CCDC39: variants seen among roughly 807,000 people sequenced by gnomAD.
CCDC39 encodes the protein coiled-coil domain 39 molecular ruler complex subunit.
CCDC39 carries 113 observed loss-of-function variants against 121.0 expected under a neutral mutation model. That is an observed-to-expected ratio of 0.93 (90% CI 0.80 to 1.09). CCDC39 has a LOEUF of 1.09. Ranked by LOEUF, CCDC39 falls within the 50% of genes least tolerant of loss-of-function variation. CCDC39 has a pLI of 0.00. For missense variants in CCDC39, 1,063 were observed against 1,074.7 expected (o/e 0.99, Z 0.15); for synonymous variants, 349 against 352.2 (o/e 0.99, Z 0.10).
intron 14 of CCDC39, among the ~76,000 whole-genome samples, chr3:180,621,984 T>C (rs944540959): frequency 2.0e-5 from 3 of 152,122 alleles, no homozygotes; most frequent in Non-Finnish European, 4.4e-5. Flanking sequence ...TTGATAGGGG[T>C]TGCATTGAAT....
At chr3:180,637,616 G>C (rs1245113226) in intron 13 of CCDC39, among the ~76,000 whole-genome samples, 1 of 152,066 alleles carries the variant, frequency 6.6e-6, no homozygotes, top group Admixed American at 6.6e-5. Flanking sequence ...CTACCATAAA[G>C]ACACATGTGC....
At chr3:180,674,245 G>A (rs1277443529) in intron 1 of CCDC39, among the ~76,000 whole-genome samples, 1 of 152,148 alleles carries the variant, frequency 6.6e-6, no homozygotes, top group Non-Finnish European at 1.5e-5. Context: ...AAGCAATTGT[G>A]AATGGGAGTT....
intron 1 of CCDC39, among the ~76,000 whole-genome samples, chr3:180,673,601 G>A (rs2108435573): frequency 6.6e-6 from 1 of 152,270 alleles, no homozygotes; most frequent in African/African-American, 2.4e-5. Flanking sequence ...TGTGTGACTT[G>A]CTTTATTGCA....
Position 180,614,793 on chromosome 3 carries a change from C to A in CCDC39, c.*128G>T. 2.8e-6 allele frequency: 2 copies of A among 717,588 alleles called. No homozygotes were observed. Among genetic ancestry groups the A allele is most frequent in the South Asian group, 5.0e-5 (2 of 39,992 alleles). The allele number at this position is 717,588 out of a possible 1,614,324, so 44.5% of individuals were successfully genotyped here. ...TGAGAACGTTCCTTTTTTTTTAAAA[C>A]TATCAGTTTTTACACTTACCACTAA... On this transcript the variant is annotated 3_prime_UTR_variant, in exon 20 of 20. Coordinates refer to ENST00000476379, the MANE Select transcript of CCDC39 (RefSeq NM_181426.2).
At position 180,614,983 on chromosome 3, in the gene CCDC39, A is replaced by C; in HGVS notation, c.2764T>G (p.Ser922Ala). Residue 922 changes from serine (S) to alanine (A), a missense_variant, in exon 20 of 20, where the codon TCT (serine) becomes GCT (alanine). Physicochemically the swap from Ser to Ala is moderately conservative, Grantham distance 99 (BLOSUM62 1). Transcript: ENST00000476379. The part of the protein sequence containing the change: ...PASSSLVGSP[S>A]RPSSASSSSS... ...CTACTACTAGCACTAGATGGCCTAG[A>C]AGGGCTGCCTACTAGTGAAGAGGAG... The C allele has an allele frequency of 6.4e-7, 1 of 1,565,978 alleles. No individual in the cohort carries two copies. Among genetic ancestry groups the C allele is most frequent in the Non-Finnish European group, 8.7e-7 (1 of 1,153,308 alleles).
intron 1 of CCDC39, among the ~76,000 whole-genome samples, chr3:180,664,457 A>T (rs1463553174): frequency 6.6e-6 from 1 of 152,122 alleles, no homozygotes; most frequent in East Asian, 1.9e-4. Flanking sequence ...AAAACATAGC[A>T]TTTTGTTTCT....
chr3:180,660,416 G>A (rs1711712131), intron 4 of CCDC39, among the ~76,000 whole-genome samples, 154 bp downstream of exon 4: 1 of 152,038 alleles, frequency 6.6e-6, no homozygotes, highest in South Asian at 2.1e-4. Flanking sequence ...TTTCTACAGA[G>A]AAGACATTTG....
intron 14 of CCDC39, among the ~76,000 whole-genome samples, chr3:180,623,417 C>T (rs1457368388): frequency 6.6e-6 from 1 of 151,880 alleles, no homozygotes; most frequent in Non-Finnish European, 1.5e-5. Flanking sequence ...TTTCCTTGAT[C>T]ATTTGTAAAT....
At chr3:180,676,479 A>C (rs1262653788) in intron 1 of CCDC39, among the ~76,000 whole-genome samples, 1 of 152,280 alleles carries the variant, frequency 6.6e-6, no homozygotes, top group Non-Finnish European at 1.5e-5. Flanking sequence ...CGATCATTAA[A>C]AAGTCAGGAA....
Position 180,669,909 on chromosome 3 carries a change from A to G in CCDC39, c.91-5923T>C, listed in dbSNP as rs1157646447. 2.0e-5 allele frequency among the ~76,000 whole-genome samples: 3 copies of G among 152,178 alleles called. No homozygotes were observed. The East Asian group carries it at 5.8e-4, about 29-fold the overall frequency. On this transcript the variant is annotated intron_variant, in intron 1 of 19. Transcript: ENST00000476379. ...GTTAATGAAAGAGATGGATGTAAAT[A>G]AAGTCTTTATAAAGGGGCACTGACT...
chr3:180,620,631 T>C (rs1322891708), intron 14 of CCDC39, among the ~76,000 whole-genome samples: 4 of 151,964 alleles, frequency 2.6e-5, no homozygotes, highest in African/African-American at 9.7e-5. Flanking sequence ...AGTATGCATA[T>C]ATATACATAT....
rs764888716 is a variant in CCDC39, at chr3:180,616,878, A to T, written c.2354T>A (p.Leu785Gln). The T allele has an allele frequency of 6.3e-7, 1 of 1,598,794 alleles. No homozygotes were observed. Among genetic ancestry groups the T allele is most frequent in the Non-Finnish European group, 8.6e-7 (1 of 1,167,394 alleles). The change falls in exon 17 of 20, where the codon CTA becomes CAA. Residue 785 changes from leucine to glutamine, a missense_variant. Coordinates refer to ENST00000476379, the MANE Select transcript of CCDC39 (RefSeq NM_181426.2). ...LSEKQAYSFQ[L>Q]SKETEEQKPK... Reference sequence around the variant, plus strand: ...CTTCTGCTCCTCCGTTTCTTTACTTAGTTGAAATGAATAAGCCTGCTTCTC... The same window carrying T: ...CTTCTGCTCCTCCGTTTCTTTACTTTGTTGAAATGAATAAGCCTGCTTCTC...
At chr3:180,632,264 T>C (rs1327180462) in intron 13 of CCDC39, among the ~76,000 whole-genome samples, 1 of 152,204 alleles carries the variant, frequency 6.6e-6, no homozygotes, top group African/African-American at 2.4e-5. Flanking sequence ...TTAAATCTGT[T>C]GGTTACTTTC....
At position 180,619,982 on chromosome 3, in the gene CCDC39, A is replaced by C. The variant is rs373905898; in HGVS notation, c.1999-12T>G. 7.0e-6 allele frequency: 11 copies of C among 1,579,206 alleles called. No individual in the cohort carries two copies. In the African/African-American group the frequency reaches 1.4e-4, roughly 19 times the overall value. ...TTTTCTTGAGCAGCCTATGAAGTAC[A>C]GAATAGAACTGGTTGAATAAAAGCA... On this transcript the variant is annotated splice_polypyrimidine_tract_variant and intron_variant, in intron 14 of 19. Coordinates refer to ENST00000476379, the MANE Select transcript of CCDC39 (RefSeq NM_181426.2).
Position 180,619,298 on chromosome 3 carries a change from G to T in CCDC39, c.2226C>A (p.Tyr742Ter), listed in dbSNP as rs772219642. The change falls in exon 16 of 20, where the codon TAC (tyrosine) becomes TAA (stop). Residue 742 changes from tyrosine (Y) to a stop codon, truncating the protein, a stop_gained. Coordinates refer to ENST00000476379, the MANE Select transcript of CCDC39 (RefSeq NM_181426.2). LOFTEE classifies it high-confidence loss of function. ...QKRAVDEKYR[Y>*]KQRQIRELQE... ...GAAGTTCTCTGATTTGTCTTTGTTT[G>T]TATCTGTATTTTTCATCAACAGCTC... 9.1e-6 allele frequency: 14 copies of T among 1,546,026 alleles called. No individual in the cohort carries two copies. Among genetic ancestry groups the T allele is most frequent in the Non-Finnish European group, 1.1e-5 (13 of 1,142,296 alleles).
At chr3:180,661,758 T>G in intron 3 of CCDC39, 103 bp downstream of exon 3, 1 of 995,916 alleles carries the variant, frequency 1.0e-6, no homozygotes, top group Non-Finnish European at 1.5e-6. Context: ...ACTAGGAAAC[T>G]AATGTATGCC....
At chr3:180,674,118 T>C (rs552743503) in intron 1 of CCDC39, among the ~76,000 whole-genome samples, 67 of 152,280 alleles carry the variant, frequency 4.4e-4, no homozygotes, top group African/African-American at 1.5e-3. Flanking sequence ...GAGCATGGAA[T>C]GTTCTTCCAT....
At chr3:180,625,694 T>C (rs1268188485) in intron 14 of CCDC39, among the ~76,000 whole-genome samples, 30 of 152,154 alleles carry the variant, frequency 2.0e-4, no homozygotes, top group Admixed American at 2.0e-3. Context: ...GGTGTTTTGA[T>C]GTGGGGTGCC....
At position 180,679,330 on chromosome 3, in the gene CCDC39, G is replaced by C. The variant is rs1320953714; in HGVS notation, c.51C>G (p.Ile17Met). The change falls in exon 1 of 20, where the codon ATC becomes ATG. Residue 17 changes from isoleucine to methionine, a missense_variant. Physicochemically the swap from Ile to Met is conservative, Grantham distance 10. Transcript: ENST00000476379. This position sits in a 1 kb window ranked among gnomAD's most constrained non-coding sequence, Gnocchi z 4.0. Reference sequence around the variant, plus strand: ...GCTTGTTCTCCTCGTTCGCCACCGGGATGGCGAACCCATCCTCCCAGTGCA... The same window carrying C: ...GCTTGTTCTCCTCGTTCGCCACCGGCATGGCGAACCCATCCTCCCAGTGCA... ...AELHWEDGFA[I>M]PVANEENKLL... 1 of 1,613,882 alleles carries C rather than the reference G, an allele frequency of 6.2e-7. No individual in the cohort carries two copies. Among genetic ancestry groups the C allele is most frequent in the Non-Finnish European group, 8.5e-7 (1 of 1,179,822 alleles).
Sources: gnomAD v4.1 joint callset for allele counts (sites outside exome capture counted in the v4.1 genomes callset) on GRCh38, gnomAD v4.1.1 for gene constraint, Gnocchi (gnomAD v3.1) non-coding constraint, MANE v1.5 for transcripts, NCBI Gene and HGNC (gene_info 2026-07-23, HGNC 2026-07-21) for gene names.